Variants in EXOC6B observed in about 807,000 individuals in gnomAD.
EXOC6B encodes exocyst complex component 6B.
A neutral mutation model predicts 113.5 loss-of-function variants in EXOC6B; 54 were observed. The ratio of observed to expected loss-of-function variants is 0.48; its 90% CI spans 0.38 to 0.60. EXOC6B has a LOEUF of 0.60. Ranked by LOEUF, EXOC6B falls within the 20% of genes least tolerant of loss-of-function variation. The probability of loss-of-function intolerance (pLI) is 0.00; values close to 1 mark genes in which losing one functional copy is unlikely to be tolerated. For synonymous variants in EXOC6B, 357 were observed against 339.0 expected (o/e 1.05, Z -0.58); for missense variants, 797 against 977.5 (o/e 0.82, Z 2.46).
chr2:72,533,253 G>A (rs751094947), intron 8 of EXOC6B, among the ~76,000 whole-genome samples: 6 of 152,162 alleles, frequency 3.9e-5, no homozygotes, highest in Non-Finnish European at 7.3e-5. Flanking sequence ...CTTAAATCTG[G>A]CAGTGATCCT....
chr2:72,188,270 G>C (rs1310674712), intron 20 of EXOC6B, among the ~76,000 whole-genome samples: 5 of 152,230 alleles, frequency 3.3e-5, no homozygotes, highest in Admixed American at 3.3e-4. Context: ...ATCATCATAA[G>C]GATTTCCATT....
intron 7 of EXOC6B, among the ~76,000 whole-genome samples, chr2:72,567,084 T>C (rs1371851308): frequency 6.6e-6 from 1 of 151,976 alleles, no homozygotes; most frequent in African/African-American, 2.4e-5. Context: ...TTATATAGTT[T>C]TGCCTTTGAA....
intron 20 of EXOC6B, among the ~76,000 whole-genome samples, chr2:72,232,620 AAAT>A (rs76739465): frequency 0.048 from 7,385 of 152,290 alleles, 201 homozygotes; most frequent in African/African-American, 0.061. Context: ...AGAATATAAA[AAAT>A]AATGTTTGTG....
At chr2:72,690,576 C>T (rs77533533) in intron 6 of EXOC6B, among the ~76,000 whole-genome samples, 6,492 of 152,210 alleles carry the variant, frequency 0.043, 437 homozygotes, top group African/African-American at 0.15. Flanking sequence ...ACTAACTTAC[C>T]AAATGCAGTA....
intron 16 of EXOC6B, among the ~76,000 whole-genome samples, chr2:72,488,893 A>G (rs1031392687): frequency 2.0e-5 from 3 of 152,174 alleles, no homozygotes; most frequent in African/African-American, 7.2e-5. Context: ...TTCACGCAAA[A>G]TAAAAGCAAA....
At chr2:72,679,063 C>A (rs975193932) in intron 6 of EXOC6B, among the ~76,000 whole-genome samples, 1 of 151,970 alleles carries the variant, frequency 6.6e-6, no homozygotes, top group Admixed American at 6.6e-5. Context: ...ACACATCTTG[C>A]ATATAATCTC....
intron 1 of EXOC6B, among the ~76,000 whole-genome samples, chr2:72,817,355 G>C (rs1237523202): frequency 1.3e-5 from 2 of 152,160 alleles, no homozygotes; most frequent in African/African-American, 4.8e-5. Context: ...CTGATATGTA[G>C]AGGCTTTTGA....
intron 6 of EXOC6B, among the ~76,000 whole-genome samples, chr2:72,583,468 T>C (rs1234078366): frequency 6.6e-6 from 1 of 152,048 alleles, no homozygotes; most frequent in Non-Finnish European, 1.5e-5. Context: ...AAAGGTCAAA[T>C]CACATACAAA....
At chr2:72,582,832 C>T (rs1705311416) in intron 6 of EXOC6B, among the ~76,000 whole-genome samples, 1 of 152,120 alleles carries the variant, frequency 6.6e-6, no homozygotes, top group Admixed American at 6.5e-5. Context: ...GAGGGGTCAG[C>T]AGGCCCACCT....
chr2:72,632,341 G>A (rs953431774), intron 6 of EXOC6B, among the ~76,000 whole-genome samples: 1 of 152,142 alleles, frequency 6.6e-6, no homozygotes, highest in African/African-American at 2.4e-5. Context: ...GAAAGAATCA[G>A]TAAAAATGTA....
chr2:72,413,688 GAAAAAAA>G (rs779663149), intron 18 of EXOC6B, among the ~76,000 whole-genome samples: 2 of 108,274 alleles, frequency 1.8e-5, no homozygotes, highest in South Asian at 3.1e-4. Context: ...CCTCAAAAAA[GAAAAAAA>G]AAAAAAGAAA....
At position 72,291,449 on chromosome 2, in the gene EXOC6B, T is replaced by G. The variant is rs142854524; in HGVS notation, c.2196+43498A>C. 6.9e-3 allele frequency among the ~76,000 whole-genome samples: 1,047 copies of G among 152,346 alleles called. 9 individuals are homozygous for G. The highest frequency in any genetic ancestry group is 0.024 in the African/African-American group (991 of 41,580). On this transcript the variant is annotated intron_variant, in intron 20 of 21. Transcript: ENST00000272427. ...CATCAGTTAATGTCTGAAAACATCT[T>G]TGGATAACTTTCAGTAGAAAAACAA... is the stretch of plus-strand genomic sequence containing the variant.
intron 7 of EXOC6B, among the ~76,000 whole-genome samples, chr2:72,560,027 C>T (rs567932734): frequency 6.6e-6 from 1 of 152,036 alleles, no homozygotes; most frequent in African/African-American, 2.4e-5. Context: ...AATCAAAATA[C>T]AGAAATATGC....
chr2:72,643,799 A>C (rs2104361060), intron 6 of EXOC6B, among the ~76,000 whole-genome samples: 1 of 150,900 alleles, frequency 6.6e-6, no homozygotes, highest in African/African-American at 2.4e-5. Context: ...AGAAGCAATA[A>C]AAAAAATTAA....
intron 20 of EXOC6B, among the ~76,000 whole-genome samples, chr2:72,219,444 A>AT (rs1385447078): frequency 1.3e-5 from 2 of 152,272 alleles, no homozygotes; most frequent in East Asian, 3.9e-4. Context: ...AGTTCATACA[A>AT]TAAGTCTTAT....
intron 6 of EXOC6B, among the ~76,000 whole-genome samples, chr2:72,663,943 G>A (rs1434089845): frequency 1.3e-5 from 2 of 152,016 alleles, no homozygotes; most frequent in Non-Finnish European, 2.9e-5. Context: ...ACTGCCTCAG[G>A]GTGAAGGTGA....
chr2:72,551,380 TAG>T lies in EXOC6B; in HGVS notation c.915+8071_915+8072del, dbSNP rs1703212609. On this transcript the variant is annotated intron_variant, in intron 8 of 21. Coordinates refer to ENST00000272427, the MANE Select transcript of EXOC6B (RefSeq NM_015189.3). ...ACCCAGCTAATTTTTGTATTTTTAG[TAG>T]AGACAGGGTTTCACCATGTTGGCCA... Among the ~76,000 whole-genome samples the T allele has an allele frequency of 4.6e-5, 7 of 152,128 alleles. No individual in the cohort carries two copies. The South Asian group carries it at 1.5e-3, about 32-fold the overall frequency.
At position 72,281,819 on chromosome 2, in the gene EXOC6B, G is replaced by A. The variant is rs534672749; in HGVS notation, c.2196+53128C>T. Among the ~76,000 whole-genome samples the A allele has an allele frequency of 2.0e-5, 3 of 152,272 alleles. No individual in the cohort carries two copies. In the East Asian group the frequency reaches 5.8e-4, roughly 29 times the overall value. On this transcript the variant is annotated intron_variant, in intron 20 of 21. Transcript: ENST00000272427. ...CATTAGAGTAAAACTGCCAAAAACT[G>A]AAGATGAAGAGAACATTCTGGGCAA...
At chr2:72,572,283 TAA>T (rs1704559825) in intron 7 of EXOC6B, among the ~76,000 whole-genome samples, 1 of 152,250 alleles carries the variant, frequency 6.6e-6, no homozygotes, top group African/African-American at 2.4e-5. Context: ...GGGACCTTGT[TAA>T]AAAATGCAGA....
Sources: gnomAD v4.1 joint callset for allele counts (sites outside exome capture counted in the v4.1 genomes callset) on GRCh38, gnomAD v4.1.1 for gene constraint, MANE v1.5 for transcripts, NCBI Gene and HGNC (gene_info 2026-07-23, HGNC 2026-07-21) for gene names.